The following TARBP1 variants were observed in gnomAD, a reference collection of about 807,000 sequenced individuals.
TARBP1 encodes tRNA guanosine 2 -O-methyltransferase TARBP1.
TARBP1 carries 144 observed loss-of-function variants against 178.6 expected under a neutral mutation model. The observed-to-expected ratio is 0.81, with a 90% confidence interval of 0.70 to 0.93. The LOEUF is 0.93. Ranked by LOEUF, TARBP1 falls within the 40% of genes least tolerant of loss-of-function variation. The pLI is 0.00. For synonymous variants in TARBP1, 787 were observed against 781.0 expected (o/e 1.01, Z -0.13); for missense variants, 2,067 against 2,011.7 (o/e 1.03, Z -0.53).
At chr1:234,393,920 A>C in intron 26 of TARBP1, 83 bp from the exon 27 acceptor site, 1 of 1,023,924 alleles carries the variant, frequency 9.8e-7, no homozygotes, top group Non-Finnish European at 1.4e-6. Context: ...ATGTATTTTT[A>C]AGAATGTGAA....
chr1:234,420,321 T>C (rs1210647313), intron 21 of TARBP1, among the ~76,000 whole-genome samples: 3 of 152,250 alleles, frequency 2.0e-5, no homozygotes, highest in African/African-American at 7.2e-5. Flanking sequence ...TTGCCTGGTT[T>C]CTACAGTACA....
chr1:234,475,148 T>C (rs1382310373), intron 1 of TARBP1, among the ~76,000 whole-genome samples: 1 of 152,228 alleles, frequency 6.6e-6, no homozygotes, highest in Admixed American at 6.5e-5. Flanking sequence ...AGAGAGACTG[T>C]GGCCAGGGCA....
In TARBP1 at chr1:234,429,118, G is replaced by A; in HGVS notation, c.3060+18C>T. 2.6e-6 allele frequency: 4 copies of A among 1,545,014 alleles called. No homozygotes were observed. Among genetic ancestry groups the A allele is most frequent in the East Asian group, 2.3e-5 (1 of 43,834 alleles). ...ACACACATGAAAAGAAAAGCAAAAAGAAAAGAAAGTTAGTTACCTCTTTTA... is the reference window on the plus strand; with the variant it reads ...ACACACATGAAAAGAAAAGCAAAAAAAAAAGAAAGTTAGTTACCTCTTTTA... On this transcript the variant is annotated intron_variant, in intron 17 of 29. Transcript: ENST00000040877.
At chr1:234,392,597 C>A in intron 28 of TARBP1, 45 bp from the exon 29 acceptor site, 1 of 1,578,034 alleles carries the variant, frequency 6.3e-7, no homozygotes, top group South Asian at 1.1e-5. Context: ...TCAGTTATAG[C>A]CCTGCTTGGA....
intron 6 of TARBP1, among the ~76,000 whole-genome samples, chr1:234,462,834 C>G (rs966615618): frequency 6.6e-6 from 1 of 151,772 alleles, no homozygotes; most frequent in Non-Finnish European, 1.5e-5. Flanking sequence ...TCCCTTTTTT[C>G]TGACGTTTGA....
intron 17 of TARBP1, 55 bp downstream of exon 17, chr1:234,429,081 G>C (rs1241676449): frequency 6.9e-7 from 1 of 1,459,222 alleles, no homozygotes; most frequent in Non-Finnish European, 9.1e-7. Flanking sequence ...TGTTCCTCAT[G>C]TGCTGAAGCT....
chr1:234,418,001 A>G, intron 22 of TARBP1, 83 bp downstream of exon 22: 2 of 885,574 alleles, frequency 2.3e-6, no homozygotes, highest in Non-Finnish European at 3.2e-6. Context: ...AGTCAAAAAC[A>G]ACTATTTAAG....
chr1:234,443,913 C>T (rs1665867185), intron 12 of TARBP1, among the ~76,000 whole-genome samples: 1 of 152,062 alleles, frequency 6.6e-6, no homozygotes, highest in South Asian at 2.1e-4. Context: ...AGGAGTCAAA[C>T]TCATAGAGAC....
intron 20 of TARBP1, 47 bp downstream of exon 20, chr1:234,425,626 C>T (rs1663655160): frequency 1.3e-6 from 2 of 1,573,170 alleles, no homozygotes; most frequent in Non-Finnish European, 1.7e-6. Context: ...CAAATGTTGA[C>T]CTCTGACTGT....
At position 234,474,245 on chromosome 1, in the gene TARBP1, A is replaced by AACACACACAC. The variant is rs35976593; in HGVS notation, c.932-1444_932-1435dup. Among the ~76,000 whole-genome samples, 317 of 81,570 alleles carry AACACACACAC rather than the reference A, an allele frequency of 3.9e-3. 4 individuals are homozygous for AACACACACAC. In the East Asian group the frequency reaches 0.048, roughly 12 times the overall value. The allele number at this position is 81,570 out of a possible 152,430, so 53.5% of individuals were successfully genotyped here. The stretch of plus-strand genomic sequence containing the variant: ...GGCAAGAGCGAGGATTTGTCTCTAA[A>AACACACACAC]ACACACACACACACACACACACACA... On this transcript the variant is annotated intron_variant, in intron 1 of 29. Transcript: ENST00000040877.
intron 1 of TARBP1, among the ~76,000 whole-genome samples, chr1:234,474,716 AT>A (rs139034232): frequency 0.057 from 8,687 of 152,274 alleles, 418 homozygotes; most frequent in African/African-American, 0.14. Flanking sequence ...CCAGGCTCGA[AT>A]TCTACCCTCA....
At chr1:234,478,062 C>G in intron 1 of TARBP1, 111 bp downstream of exon 1, 2 of 1,096,702 alleles carry the variant, frequency 1.8e-6, no homozygotes, top group Non-Finnish European at 2.6e-6. Context: ...TAACCAAATT[C>G]TGCATGGATC....
rs1667731586 is a variant in TARBP1 at position 234,460,394 on chromosome 1, T to C, written c.1402A>G (p.Ser468Gly). The change falls in exon 7 of 30, where the codon AGC becomes GGC. Residue 468 changes from serine (S) to glycine (G), a missense_variant and splice_region_variant. Transcript: ENST00000040877. ...ISLLPEEIKS[S>G]FLLKFIRKMT... ...TTCCGAATAAACTTCAATAGGAAGC[T>C]ACCTGAAAGAAAAAGTTTTAAATTA... 3 of 1,613,372 alleles carry C rather than the reference T, an allele frequency of 1.9e-6. No homozygotes were observed. Among genetic ancestry groups the C allele is most frequent in the South Asian group, 1.1e-5 (1 of 90,850 alleles).
intron 22 of TARBP1, among the ~76,000 whole-genome samples, chr1:234,417,544 A>C (rs983247756): frequency 1.3e-5 from 2 of 152,224 alleles, no homozygotes; most frequent in Non-Finnish European, 2.9e-5. Flanking sequence ...TCAGGAAGCC[A>C]GCAATGATAA....
chr1:234,412,208 T>C (rs1661896152), intron 22 of TARBP1, among the ~76,000 whole-genome samples: 1 of 152,108 alleles, frequency 6.6e-6, no homozygotes, highest in East Asian at 1.9e-4. Context: ...TGGATCACAA[T>C]GTCAGGAGTT....
intron 10 of TARBP1, 147 bp from the exon 11 acceptor site, chr1:234,448,726 G>C (rs1666435400): frequency 1.5e-6 from 1 of 647,514 alleles, no homozygotes; most frequent in Non-Finnish European, 2.7e-6. Flanking sequence ...GAACACCCTA[G>C]AGCATGGCTC....
intron 24 of TARBP1, among the ~76,000 whole-genome samples, chr1:234,404,832 T>C (rs568282271): frequency 1.4e-4 from 22 of 152,352 alleles, no homozygotes; most frequent in Admixed American, 5.2e-4. Context: ...TCCATTTTAG[T>C]ATTTATTTGT....
At chr1:234,427,414 G>T in intron 18 of TARBP1, 26 bp from the exon 19 acceptor site, 1 of 1,573,420 alleles carries the variant, frequency 6.4e-7, no homozygotes, top group South Asian at 1.2e-5. Flanking sequence ...ATTTGATAAA[G>T]AACAACAGGT....
intron 21 of TARBP1, 113 bp downstream of exon 21, chr1:234,420,589 A>C: frequency 1.7e-6 from 1 of 594,492 alleles, no homozygotes. Flanking sequence ...CTGCAGAATA[A>C]ATTTTAAACA....
Sources: allele counts gnomAD v4.1 joint callset (sites outside exome capture counted in the v4.1 genomes callset), GRCh38; gene constraint gnomAD v4.1.1; transcripts MANE v1.5; gene names NCBI Gene and HGNC (gene_info 2026-07-23, HGNC 2026-07-21).